Variants in RNF135 observed in about 807,000 individuals in gnomAD.
RNF135 encodes E3 ubiquitin-protein ligase RNF135.
Under a neutral mutation model 41.9 loss-of-function variants are expected in RNF135, and 46 were observed. That is an observed-to-expected ratio of 1.10 (90% CI 0.87 to 1.40). The LOEUF is 1.40. Ranked by LOEUF, RNF135 falls within the 40% of genes most tolerant of loss-of-function variation. The pLI is 0.00. For missense variants in RNF135, 539 were observed against 549.8 expected, an observed-to-expected ratio of 0.98 and a Z score of 0.20; for synonymous variants, 238 against 223.8, an observed-to-expected ratio of 1.06 and a Z score of -0.57.
chr17:30,966,383 G>A (rs28897076), upstream of RNF135, among the ~76,000 whole-genome samples: 30,308 of 146,604 alleles, frequency 0.21, 9,869 homozygotes, highest in African/African-American at 0.69. Flanking sequence ...TAATTTTTAA[G>A]TTTTATTTTA....
At chr17:30,960,978 A>G in the RNF135 span, among the ~76,000 whole-genome samples, 1 of 152,046 alleles carries the variant, frequency 6.6e-6, no homozygotes, top group African/African-American at 2.4e-5. Context: ...CAACCTCGTG[A>G]TCCACCTGCC....
rs758665736 is a variant in RNF135 at position 30,999,020 on chromosome 17, G to A, written c.1128G>A (p.Val376=). ...TVLGSDRPGV[V]GIWLNLEEGK... is the part of the protein sequence containing the mutation. ...TTGGCTCAGACAGACCTGGGGTGGTGGGCATCTGGCTGAACCTTGAGGAGG... is the reference window on the plus strand; with the variant it reads ...TTGGCTCAGACAGACCTGGGGTGGTAGGCATCTGGCTGAACCTTGAGGAGG... The change falls in exon 5 of 5, where the codon GTG becomes GTA. Residue 376 remains valine (V), a synonymous_variant. Coordinates refer to ENST00000328381, the MANE Select transcript of RNF135 (RefSeq NM_032322.4). 7 of 1,614,114 alleles carry A rather than the reference G, an allele frequency of 4.3e-6. No homozygotes were observed. Among genetic ancestry groups the A allele is most frequent in the Non-Finnish European group, 5.1e-6 (6 of 1,180,024 alleles).
At chr17:30,992,751 G>A (rs976245009) in intron 3 of RNF135, among the ~76,000 whole-genome samples, 9 of 152,068 alleles carry the variant, frequency 5.9e-5, no homozygotes, top group African/African-American at 1.9e-4. Flanking sequence ...GCAAGGTGGC[G>A]CTACCACACT....
At chr17:30,978,415 A>G (rs1171858874) in intron 1 of RNF135, among the ~76,000 whole-genome samples, 2 of 151,808 alleles carry the variant, frequency 1.3e-5, no homozygotes, top group Non-Finnish European at 2.9e-5. Context: ...GGCATGCTTC[A>G]TTCTCTTTTT....
At chr17:30,993,819 A>T (rs1283250255) in intron 3 of RNF135, 1 of 907,752 alleles carries the variant, frequency 1.1e-6, no homozygotes, top group Admixed American at 2.2e-5. Context: ...TTAATTAATT[A>T]ATTTTTTTAT....
At chr17:30,991,764 G>A (rs2142725311) in intron 3 of RNF135, among the ~76,000 whole-genome samples, 1 of 151,972 alleles carries the variant, frequency 6.6e-6, no homozygotes, top group South Asian at 2.1e-4. Context: ...TTCATATCTT[G>A]TGTTATTGGT....
intron 2 of RNF135, among the ~76,000 whole-genome samples, chr17:30,985,020 GC>G (rs930909120): frequency 1.2e-4 from 18 of 152,230 alleles, no homozygotes; most frequent in African/African-American, 4.3e-4. Context: ...ACGTTCTGGT[GC>G]CTGTCTCTAT....
chr17:30,998,550 G>T (rs776617139), intron 4 of RNF135, 112 bp from the exon 5 acceptor site: 2 of 1,026,730 alleles, frequency 1.9e-6, no homozygotes, highest in Non-Finnish European at 3.0e-6. Flanking sequence ...TAATGCTAGT[G>T]TGAGTGAAAC....
chr17:30,993,040 T>TTA (rs368307869), intron 3 of RNF135, among the ~76,000 whole-genome samples: 3 of 146,290 alleles, frequency 2.1e-5, no homozygotes, highest in African/African-American at 7.7e-5. Flanking sequence ...GTTTTATTTG[T>TTA]TTATTATTAT....
At position 30,988,702 on chromosome 17, in the gene RNF135, A is replaced by AG. The variant is rs542225247; in HGVS notation, c.679+598dup. On this transcript the variant is annotated intron_variant, in intron 3 of 4. Coordinates refer to ENST00000328381, the MANE Select transcript of RNF135 (RefSeq NM_032322.4). ...TGGCCTCCCAAAGTGTTGGGATTACAGGCGTGAGCCACCGTGCCTGGCCTT... is the reference window on the plus strand; with the variant it reads ...TGGCCTCCCAAAGTGTTGGGATTACAGGGCGTGAGCCACCGTGCCTGGCCTT... Among the ~76,000 whole-genome samples, 45 of 150,616 alleles carry AG rather than the reference A, an allele frequency of 3.0e-4. No homozygotes were observed. In the East Asian group the frequency reaches 8.2e-3, roughly 27 times the overall value.
intron 1 of RNF135, among the ~76,000 whole-genome samples, chr17:30,979,664 ATC>A (rs1848959321): frequency 1.9e-5 from 2 of 102,634 alleles, no homozygotes; most frequent in South Asian, 3.6e-4. Flanking sequence ...CGGGGGGCTG[ATC>A]CCCCCCACCT....
upstream of RNF135, among the ~76,000 whole-genome samples, chr17:30,969,750 C>CT (rs1242518243): frequency 5.6e-5 from 8 of 141,880 alleles, no homozygotes; most frequent in South Asian, 1.4e-3. Context: ...TCTTTTCTTT[C>CT]TTTTTTTTCT....
At position 30,974,804 on chromosome 17, in the gene RNF135, C is replaced by T. The variant is rs190753056; in HGVS notation, c.372+3359C>T. Among the ~76,000 whole-genome samples, 42 of 151,966 alleles carry T rather than the reference C, an allele frequency of 2.8e-4. No homozygotes were observed. The East Asian group carries it at 5.0e-3, about 18-fold the overall frequency. On this transcript the variant is annotated intron_variant, in intron 1 of 4. Coordinates refer to ENST00000328381, the MANE Select transcript of RNF135 (RefSeq NM_032322.4). Reference sequence around the variant, plus strand: ...AAGTGATTCTCCTACCTCAGCCTCCCGAGTAGCTGGGGTTACAGGTGCCCA... The same window carrying T: ...AAGTGATTCTCCTACCTCAGCCTCCTGAGTAGCTGGGGTTACAGGTGCCCA...
chr17:30,993,744 T>A, intron 3 of RNF135: 5 of 959,486 alleles, frequency 5.2e-6, no homozygotes, highest in Non-Finnish European at 7.6e-6. Flanking sequence ...GTTTTGCAAA[T>A]GCTTTTTAAA....
In RNF135 at chr17:30,971,070, G is replaced by C. The variant is rs1161842941; in HGVS notation, c.-4G>C. 1 of 1,534,162 alleles carries C rather than the reference G, an allele frequency of 6.5e-7. No homozygotes were observed. Among genetic ancestry groups the C allele is most frequent in the South Asian group, 1.2e-5 (1 of 83,934 alleles). ...GACGTCCGCGCCCCGGCCGCCTGTT[G>C]GCCATGGCGGGCCTGGGCCTGGGCT... On this transcript the variant is annotated 5_prime_UTR_variant, in exon 1 of 5. Coordinates refer to ENST00000328381, the MANE Select transcript of RNF135 (RefSeq NM_032322.4).
intron 2 of RNF135, among the ~76,000 whole-genome samples, chr17:30,987,610 G>T (rs949966257): frequency 6.6e-6 from 1 of 152,086 alleles, no homozygotes; most frequent in Non-Finnish European, 1.5e-5. Flanking sequence ...TATAAGATGC[G>T]CCTAGAAATG....
At chr17:30,990,744 C>T (rs1271379220) in intron 3 of RNF135, among the ~76,000 whole-genome samples, 2 of 152,130 alleles carry the variant, frequency 1.3e-5, no homozygotes, top group Non-Finnish European at 2.9e-5. Flanking sequence ...ATACATTGTC[C>T]TGCATTTTGC....
intron 1 of RNF135, among the ~76,000 whole-genome samples, chr17:30,979,403 C>T (rs1454669854): frequency 1.9e-5 from 2 of 107,496 alleles, no homozygotes; most frequent in Admixed American, 8.5e-5. Flanking sequence ...GGCGGCTGGC[C>T]GGGCAGAGGG....
At chr17:30,990,307 G>A (rs1294104622) in intron 3 of RNF135, among the ~76,000 whole-genome samples, 2 of 151,762 alleles carry the variant, frequency 1.3e-5, no homozygotes, top group South Asian at 4.1e-4. Flanking sequence ...TGGATCACCT[G>A]AGGTCAGGAG....
Sources: allele counts gnomAD v4.1 joint callset (sites outside exome capture counted in the v4.1 genomes callset), GRCh38; gene constraint gnomAD v4.1.1; transcripts MANE v1.5; gene names NCBI Gene and HGNC (gene_info 2026-07-23, HGNC 2026-07-21).